The following CDK14 variants were observed in gnomAD, a reference collection of about 807,000 sequenced individuals.
CDK14 encodes the protein cyclin dependent kinase 14.
Under a neutral mutation model 60.7 loss-of-function variants are expected in CDK14, and 34 were observed. The observed-to-expected ratio is 0.56, with a 90% CI of 0.43 to 0.75. CDK14 has a LOEUF of 0.75. Among genes scored for constraint, CDK14 ranks in the 30% least tolerant of loss-of-function variants. The pLI, the probability that CDK14 is intolerant of heterozygous loss-of-function variation, is 0.00. For missense variants in CDK14, 482 were observed against 564.1 expected, an observed-to-expected ratio of 0.85 and a Z score of 1.47; for synonymous variants, 197 against 203.7, an observed-to-expected ratio of 0.97 and a Z score of 0.28.
intron 9 of CDK14, among the ~76,000 whole-genome samples, chr7:90,970,945 T>C (rs764947733): frequency 1.3e-5 from 2 of 152,148 alleles, no homozygotes; most frequent in Non-Finnish European, 2.9e-5. Context: ...TTATTATTAT[T>C]ATACTTTAAG....
chr7:90,888,164 G>A (rs924077296), intron 6 of CDK14, among the ~76,000 whole-genome samples: 1 of 152,024 alleles, frequency 6.6e-6, no homozygotes, highest in Non-Finnish European at 1.5e-5. Flanking sequence ...ATCCTGGCCA[G>A]CATGGTGAAC....
intron 4 of CDK14, among the ~76,000 whole-genome samples, chr7:90,757,234 GTGTGTGTGTGTGTGTGTC>G (rs1179445984): frequency 1.9e-4 from 28 of 147,004 alleles, no homozygotes; most frequent in East Asian, 5.6e-4. Flanking sequence ...GTGTGTGTGT[GTGTGTGTGTGTGTGTGTC>G]TGTGTGTGTC....
chr7:90,888,242 C>T (rs577905574), intron 6 of CDK14, among the ~76,000 whole-genome samples: 1 of 151,974 alleles, frequency 6.6e-6, no homozygotes, highest in Non-Finnish European at 1.5e-5. Flanking sequence ...GCCAGCTACT[C>T]GAGAGGCTGA....
chr7:91,102,555 C>G (rs1476746927), intron 12 of CDK14, among the ~76,000 whole-genome samples: 3 of 151,682 alleles, frequency 2.0e-5, no homozygotes, highest in Non-Finnish European at 2.9e-5. Flanking sequence ...TGTAGCTTGC[C>G]TTAGTTGTTA....
At chr7:91,051,430 C>T (rs1208864098) in intron 11 of CDK14, among the ~76,000 whole-genome samples, 1 of 152,076 alleles carries the variant, frequency 6.6e-6, no homozygotes, top group Non-Finnish European at 1.5e-5. Context: ...ACCTGATTAC[C>T]TTCCTGTTTC....
At chr7:90,817,360 C>A (rs1333281802) in intron 5 of CDK14, among the ~76,000 whole-genome samples, 1 of 152,124 alleles carries the variant, frequency 6.6e-6, no homozygotes, top group Non-Finnish European at 1.5e-5. Context: ...GCAACCTGAA[C>A]AGGACCCAAG....
intron 4 of CDK14, among the ~76,000 whole-genome samples, chr7:90,758,278 C>G (rs540536397): frequency 6.6e-6 from 1 of 152,060 alleles, no homozygotes; most frequent in East Asian, 1.9e-4. Flanking sequence ...CTTTGTCTCT[C>G]TCTCTCTCTC....
intron 2 of CDK14, among the ~76,000 whole-genome samples, chr7:90,685,279 A>G (rs1801408623): frequency 6.6e-6 from 1 of 152,070 alleles, no homozygotes; most frequent in Non-Finnish European, 1.5e-5. Context: ...TATTCTTAAT[A>G]TATGCTTGGG....
At chr7:90,854,219 A>T (rs1041366440) in intron 5 of CDK14, among the ~76,000 whole-genome samples, 1 of 152,224 alleles carries the variant, frequency 6.6e-6, no homozygotes, top group Non-Finnish European at 1.5e-5. Flanking sequence ...ATTTAAATCT[A>T]TTCAGACAGC....
At chr7:90,757,292 C>T (rs974089348) in intron 4 of CDK14, among the ~76,000 whole-genome samples, 1 of 144,506 alleles carries the variant, frequency 6.9e-6, no homozygotes, top group Non-Finnish European at 1.5e-5. Flanking sequence ...TCTGTCAGGA[C>T]ATGAGTTATA....
At chr7:91,091,501 T>TTATATATATATATATATATATATAAATA (rs56670195) in intron 12 of CDK14, among the ~76,000 whole-genome samples, 1 of 88,972 alleles carries the variant, frequency 1.1e-5, no homozygotes. Flanking sequence ...TTTATATATT[T>TTATATATATATATATATATATATAAATA]TATATATATA....
chr7:91,118,001 A>T (rs75563929), intron 13 of CDK14, 64 bp from the exon 14 acceptor site: 38,156 of 900,064 alleles, frequency 0.042, 1,344 homozygotes, highest in Admixed American at 0.13. Flanking sequence ...CATTTTTTTA[A>T]AAAAAAAACA....
intron 5 of CDK14, among the ~76,000 whole-genome samples, chr7:90,819,034 C>T (rs942410070): frequency 2.6e-5 from 4 of 151,830 alleles, no homozygotes; most frequent in African/African-American, 4.8e-5. Flanking sequence ...TTGATAAACC[C>T]GTGTGTTGCT....
intron 14 of CDK14, among the ~76,000 whole-genome samples, chr7:91,173,600 C>G (rs1801605437): frequency 6.6e-6 from 1 of 152,188 alleles, no homozygotes; most frequent in East Asian, 1.9e-4. Flanking sequence ...TGGGTGCATG[C>G]ACCGTGCGCG....
intron 2 of CDK14, among the ~76,000 whole-genome samples, chr7:90,646,667 T>C (rs1454281271): frequency 6.6e-6 from 1 of 152,156 alleles, no homozygotes; most frequent in Non-Finnish European, 1.5e-5. Context: ...GGCTCCACAC[T>C]AGTGGAGCTT....
At chr7:91,028,283 T>TAC (rs145729619) in intron 10 of CDK14, among the ~76,000 whole-genome samples, 5 of 151,032 alleles carry the variant, frequency 3.3e-5, no homozygotes, top group South Asian at 4.2e-4. Context: ...CAAACACACA[T>TAC]ACACACACAC....
At chr7:91,203,066 C>T (rs1417360954) in intron 14 of CDK14, among the ~76,000 whole-genome samples, 3 of 151,836 alleles carry the variant, frequency 2.0e-5, no homozygotes, top group Non-Finnish European at 4.4e-5. Context: ...TTTATTGTTA[C>T]GTGAAATTAG....
At chr7:90,691,594 G>C (rs1226377543) in intron 2 of CDK14, among the ~76,000 whole-genome samples, 1 of 152,072 alleles carries the variant, frequency 6.6e-6, no homozygotes, top group Non-Finnish European at 1.5e-5. Context: ...TGAATGAGAT[G>C]GGAAACCATT....
chr7:90,812,930 G>T (rs1286848371), intron 5 of CDK14, among the ~76,000 whole-genome samples: 1 of 152,146 alleles, frequency 6.6e-6, no homozygotes, highest in Non-Finnish European at 1.5e-5. Flanking sequence ...CTACCCAAGA[G>T]AGATGAAAAC....
Sources: gnomAD v4.1 joint callset for allele counts (sites outside exome capture counted in the v4.1 genomes callset) on GRCh38, gnomAD v4.1.1 for gene constraint, MANE v1.5 for transcripts, NCBI Gene and HGNC (gene_info 2026-07-23, HGNC 2026-07-21) for gene names.